Variants in CAMK2D observed in about 807,000 individuals in gnomAD.
CAMK2D encodes the protein calcium/calmodulin dependent protein kinase II delta, also known as calcium/calmodulin-dependent protein kinase type II subunit delta.
A neutral mutation model predicts 84.0 loss-of-function variants in CAMK2D; 37 were observed. The observed-to-expected ratio is 0.44, with a 90% CI of 0.34 to 0.58. CAMK2D has a LOEUF of 0.58. CAMK2D is among the 20% of genes least tolerant of loss of function. CAMK2D has a pLI of 0.02. For synonymous variants in CAMK2D, 202 were observed against 212.5 expected (o/e 0.95, Z 0.43); for missense variants, 448 against 652.5 (o/e 0.69, Z 3.41).
intron 16 of CAMK2D, among the ~76,000 whole-genome samples, chr4:113,488,073 G>T (rs534868839): frequency 6.6e-6 from 1 of 151,892 alleles, no homozygotes; most frequent in South Asian, 2.1e-4. Flanking sequence ...CTTAAAAAAA[G>T]TGATAAAGCC....
intron 2 of CAMK2D, among the ~76,000 whole-genome samples, chr4:113,718,920 G>A (rs2099521943): frequency 6.6e-6 from 1 of 151,966 alleles, no homozygotes; most frequent in Non-Finnish European, 1.5e-5. Flanking sequence ...AAATTTTTTT[G>A]AGAAAGAAAC....
chr4:113,543,609 T>C (rs2098546145), intron 6 of CAMK2D, among the ~76,000 whole-genome samples: 1 of 152,130 alleles, frequency 6.6e-6, no homozygotes, highest in Non-Finnish European at 1.5e-5. Flanking sequence ...CAGTAATGTA[T>C]GCTCACATTT....
At chr4:113,603,365 C>A (rs1252253365) in intron 4 of CAMK2D, among the ~76,000 whole-genome samples, 1 of 107,024 alleles carries the variant, frequency 9.3e-6, no homozygotes, top group Non-Finnish European at 1.9e-5. Context: ...CTCCCCCCTC[C>A]CCCCTCCCCC....
intron 2 of CAMK2D, among the ~76,000 whole-genome samples, chr4:113,755,425 T>C (rs1032676175): frequency 3.3e-5 from 5 of 151,854 alleles, no homozygotes; most frequent in African/African-American, 1.2e-4. Context: ...AGAGGTAAAA[T>C]ACAGTTGTAA....
chr4:113,739,104 G>C (rs906154919), intron 2 of CAMK2D, among the ~76,000 whole-genome samples: 1 of 152,104 alleles, frequency 6.6e-6, no homozygotes, highest in Non-Finnish European at 1.5e-5. Context: ...TTGTCAGGCA[G>C]ATCAAGAAAA....
chr4:113,531,205 T>TA lies in CAMK2D; in HGVS notation c.601+10dup. ...TTATCACAAAATTTGCTTCAAAATATAATTGCTTACCACATGCCCACATAT... is the reference window on the plus strand; with the variant it reads ...TTATCACAAAATTTGCTTCAAAATATAAATTGCTTACCACATGCCCACATAT... On this transcript the variant is annotated intron_variant, in intron 8 of 20. Transcript: ENST00000511664. The TA allele has an allele frequency of 1.4e-6, 2 of 1,463,958 alleles. No individual in the cohort carries two copies. Among genetic ancestry groups the TA allele is most frequent in the African/African-American group, 2.8e-5 (2 of 72,116 alleles). 90.7% of individuals were successfully genotyped at this position (1,463,958 alleles called of 1,614,324 possible). A position where few individuals can be genotyped will look rare whatever the true frequency, so the allele number is the denominator to read the frequency against.
At chr4:113,725,617 T>C (rs1193367486) in intron 2 of CAMK2D, among the ~76,000 whole-genome samples, 1 of 152,118 alleles carries the variant, frequency 6.6e-6, no homozygotes, top group East Asian at 1.9e-4. Context: ...CACTTATAAA[T>C]GTATTATCAA....
intron 4 of CAMK2D, among the ~76,000 whole-genome samples, chr4:113,571,401 G>A (rs927858289): frequency 2.0e-5 from 3 of 152,174 alleles, no homozygotes; most frequent in African/African-American, 7.2e-5. Context: ...ATCAACAGAT[G>A]TGTGGATAAA....
chr4:113,492,682 A>C (rs1212547333), intron 16 of CAMK2D, among the ~76,000 whole-genome samples: 1 of 150,012 alleles, frequency 6.7e-6, no homozygotes, highest in Admixed American at 6.6e-5. Context: ...GCTGAGTTCA[A>C]TTCCTGGTTA....
At chr4:113,736,901 T>A (rs948872880) in intron 2 of CAMK2D, among the ~76,000 whole-genome samples, 30 of 152,280 alleles carry the variant, frequency 2.0e-4, no homozygotes, top group African/African-American at 7.0e-4. Flanking sequence ...ACTGGCAATG[T>A]CCAGTTCATC....
At chr4:113,515,226 A>C (rs773437184) in intron 9 of CAMK2D, 35 bp from the exon 10 acceptor site, 1 of 1,495,612 alleles carries the variant, frequency 6.7e-7, no homozygotes, top group African/African-American at 1.4e-5. Context: ...AGTTTAAAAA[A>C]TAGACACACT....
intron 2 of CAMK2D, among the ~76,000 whole-genome samples, chr4:113,692,603 T>A (rs1462947130): frequency 2.0e-5 from 3 of 151,972 alleles, no homozygotes; most frequent in Admixed American, 6.6e-5. Flanking sequence ...CATATATTCA[T>A]ACATACATAT....
In CAMK2D at chr4:113,543,768, GTTTATTTATTTATTTA is replaced by G. The variant is rs79922057; in HGVS notation, c.414+3860_414+3875del. 8.2e-5 allele frequency among the ~76,000 whole-genome samples: 12 copies of G among 146,710 alleles called. No individual in the cohort carries two copies. The East Asian group carries it at 1.2e-3, about 14-fold the overall frequency. On this transcript the variant is annotated intron_variant, in intron 6 of 20. Coordinates refer to ENST00000511664, the MANE Select transcript of CAMK2D (RefSeq NM_001321571.2). ...CATAAAGAATCTATCTATCTATCAA[GTTTATTTATTTATTTA>G]TTTATTTATTTATTTATTTATTTTT... is the stretch of plus-strand genomic sequence containing the variant.
chr4:113,482,372 C>T (rs1433029828), intron 16 of CAMK2D, among the ~76,000 whole-genome samples: 2 of 152,042 alleles, frequency 1.3e-5, no homozygotes, highest in Non-Finnish European at 2.9e-5. Context: ...TTAAAAGAAA[C>T]TGAGGAGACA....
chr4:113,697,723 A>C (rs1262113176), intron 2 of CAMK2D, among the ~76,000 whole-genome samples: 1 of 152,076 alleles, frequency 6.6e-6, no homozygotes, highest in Admixed American at 6.6e-5. Flanking sequence ...ACCTAAAAAA[A>C]ATTCCAAAGC....
chr4:113,556,931 G>C (rs1462691278), intron 4 of CAMK2D, among the ~76,000 whole-genome samples: 2 of 152,134 alleles, frequency 1.3e-5, no homozygotes, highest in East Asian at 3.8e-4. Context: ...GAGTGAATAA[G>C]TGATTAAATA....
intron 2 of CAMK2D, among the ~76,000 whole-genome samples, chr4:113,735,824 A>G (rs895335949): frequency 2.0e-5 from 3 of 152,212 alleles, no homozygotes; most frequent in African/African-American, 7.2e-5. Flanking sequence ...AAGTATATTT[A>G]TGTAAATATA....
chr4:113,609,711 C>T (rs2098991964), intron 3 of CAMK2D, among the ~76,000 whole-genome samples: 2 of 152,144 alleles, frequency 1.3e-5, no homozygotes, highest in Non-Finnish European at 2.9e-5. Flanking sequence ...TCCCTGTGTT[C>T]TCCCTTTTGT....
intron 3 of CAMK2D, among the ~76,000 whole-genome samples, chr4:113,640,535 TAGTCCTAACA>T (rs1411738992): frequency 6.6e-6 from 1 of 152,086 alleles, no homozygotes; most frequent in Non-Finnish European, 1.5e-5. Context: ...ATTAGGTAAA[TAGTCCTAACA>T]AAACCTAATC....
Sources: allele counts gnomAD v4.1 joint callset (sites outside exome capture counted in the v4.1 genomes callset), GRCh38; gene constraint gnomAD v4.1.1; transcripts MANE v1.5; gene names NCBI Gene and HGNC (gene_info 2026-07-23, HGNC 2026-07-21).